Variants in PLAGL1 observed in about 807,000 individuals in gnomAD.
PLAGL1 encodes PLAG1 like zinc finger 1.
In PLAGL1, 1 loss-of-function variant was observed where a neutral mutation model predicts 4.6. That is an observed-to-expected ratio of 0.22 (90% CI 0.08 to 1.03). The LOEUF (loss-of-function observed/expected upper bound fraction) is 1.03, where lower values mean the gene tolerates loss of function less well. Ranked by LOEUF, PLAGL1 falls within the 50% of genes least tolerant of loss-of-function variation. PLAGL1 has a pLI of 0.58. For missense variants in PLAGL1, 464 were observed against 570.4 expected (o/e 0.81, Z 1.90); for synonymous variants, 240 against 237.8 (o/e 1.01, Z -0.08).
At position 143,995,482 on chromosome 6, in the gene PLAGL1, C is replaced by T. The variant is rs1297641525; in HGVS notation, c.-583-10308G>A. ...ATGATTCTAAACTACATAATTTAAACAGATTTCTATACTTTGTATTTAGGT... is the reference window on the plus strand; with the variant it reads ...ATGATTCTAAACTACATAATTTAAATAGATTTCTATACTTTGTATTTAGGT... On this transcript the variant is annotated intron_variant, in intron 1 of 7. Transcript: ENST00000674357. This position sits in a 1 kb window ranked among gnomAD's most constrained non-coding sequence, Gnocchi z 4.4. 1.3e-5 allele frequency among the ~76,000 whole-genome samples: 2 copies of T among 152,066 alleles called. No homozygotes were observed. Among genetic ancestry groups the T allele is most frequent in the Non-Finnish European group, 2.9e-5 (2 of 67,994 alleles).
chr6:143,967,709 T>C (rs1468594008), intron 3 of PLAGL1: 1 of 152,182 alleles, frequency 6.6e-6, no homozygotes, highest in East Asian at 1.9e-4. Context: ...CTACATTTTT[T>C]TCCTTCTGAA....
At position 144,039,889 on chromosome 6, in the gene PLAGL1, T is replaced by C. The variant is rs77096965; in HGVS notation, c.-151+24579A>G. ...TCTATCAACAAGAAAATTAATACAT[T>C]GTGGCACATAATGGCATCCTTATGC... On this transcript the variant is annotated intron_variant, in intron 1 of 3. Transcript: ENST00000437412. The surrounding 1 kb of genome is among the most constrained non-coding windows in gnomAD (Gnocchi z 4.1). 0.042 allele frequency among the ~76,000 whole-genome samples: 6,352 copies of C among 152,244 alleles called. 352 individuals are homozygous for C. Among genetic ancestry groups the C allele is most frequent in the East Asian group, 0.15 (767 of 5,184 alleles).
intron 1 of PLAGL1, among the ~76,000 whole-genome samples, chr6:144,052,388 G>A (rs916342899): frequency 6.6e-6 from 1 of 152,206 alleles, no homozygotes; most frequent in African/African-American, 2.4e-5. Flanking sequence ...ATAGAGCACT[G>A]AATTTAAAAT....
chr6:143,940,363 TAAGAC>T lies in PLAGL1; in HGVS notation c.*1056_*1060del, dbSNP rs1778330477. The T allele has an allele frequency of 6.6e-6, 1 of 152,178 alleles. No individual in the cohort carries two copies. Among genetic ancestry groups the T allele is most frequent in the African/African-American group, 2.4e-5 (1 of 41,446 alleles). The allele number at this position is 152,178 out of a possible 1,614,324, so 9.4% of individuals were successfully genotyped here. A position where few individuals can be genotyped will look rare whatever the true frequency, so the allele number is the denominator to read the frequency against. On this transcript the variant is annotated 3_prime_UTR_variant, in exon 8 of 8. Transcript: ENST00000674357. ...GTTTACGGAAAAGCCTCTAAAAACATAAGACAATGGAGCTTTAAAAAAGGTTAGGT... is the reference window on the plus strand; with the variant it reads ...GTTTACGGAAAAGCCTCTAAAAACATAATGGAGCTTTAAAAAAGGTTAGGT...
chr6:144,001,794 T>C (rs1439180787), intron 1 of PLAGL1, among the ~76,000 whole-genome samples: 4 of 152,182 alleles, frequency 2.6e-5, no homozygotes, highest in Non-Finnish European at 5.9e-5. Context: ...GCGATATTCT[T>C]CTCTCAAAAT....
rs901593069 is a variant in PLAGL1 at position 143,960,316 on chromosome 6, G to A, written c.-325+153C>T. Among the ~76,000 whole-genome samples the A allele has an allele frequency of 7.2e-5, 11 of 152,184 alleles. No homozygotes were observed. The highest frequency in any genetic ancestry group is 1.3e-4 in the Admixed American group (2 of 15,278). The stretch of plus-strand genomic sequence containing the variant: ...AAAGGGCTAAAAGAACCCTGTTCTC[G>A]GGTATTCTGCAGTTTGTGGAGGAAA... On this transcript the variant is annotated intron_variant, in intron 6 of 7. Transcript: ENST00000674357. The surrounding 1 kb of genome is among the most constrained non-coding windows in gnomAD (Gnocchi z 5.7).
In PLAGL1 at chr6:143,972,571, C is replaced by T. The variant is rs1785635203; in HGVS notation, c.-543-3593G>A. On this transcript the variant is annotated intron_variant, in intron 2 of 7. Transcript: ENST00000674357. This position sits in a 1 kb window ranked among gnomAD's most constrained non-coding sequence, Gnocchi z 6.8. ...ACACACACTTCCAGTTACAATATCC[C>T]AAGAATATAAATATTTTAAAATAAA... Among the ~76,000 whole-genome samples, 1 of 151,988 alleles carries T rather than the reference C, an allele frequency of 6.6e-6. No homozygotes were observed. The highest frequency in any genetic ancestry group is 2.4e-5 in the African/African-American group (1 of 41,372).
chr6:143,996,454 T>C (rs1032651850), intron 1 of PLAGL1, among the ~76,000 whole-genome samples: 6 of 152,198 alleles, frequency 3.9e-5, no homozygotes, highest in African/African-American at 1.4e-4. Flanking sequence ...TAATATAATC[T>C]CTGAATTTTA....
intron 1 of PLAGL1, among the ~76,000 whole-genome samples, chr6:144,026,521 C>T (rs1796353633): frequency 6.6e-6 from 1 of 152,158 alleles, no homozygotes; most frequent in Non-Finnish European, 1.5e-5. Context: ...ATAGTCATCC[C>T]TGGCTATGAA....
rs1562525458 is a variant in PLAGL1 at position 143,995,663 on chromosome 6, T to C, written c.-583-10489A>G. ...AATTCAAACACTATTATGATATATA[T>C]GCTTATATAAAATGTTTCAAATCTG... On this transcript the variant is annotated intron_variant, in intron 1 of 7. Transcript: ENST00000674357. This position sits in a 1 kb window ranked among gnomAD's most constrained non-coding sequence, Gnocchi z 4.4. 6.6e-6 allele frequency among the ~76,000 whole-genome samples: 1 copy of C among 152,176 alleles called. No individual in the cohort carries two copies. The highest frequency in any genetic ancestry group is 1.5e-5 in the Non-Finnish European group (1 of 68,026).
chr6:144,010,931 G>A (rs112085420), upstream of PLAGL1, among the ~76,000 whole-genome samples: 36,567 of 151,970 alleles, frequency 0.24, 4,597 homozygotes, highest in Admixed American at 0.35. The surrounding 1 kb of genome is among the most constrained non-coding windows in gnomAD (Gnocchi z 4.1). Context: ...GGACCGCTTC[G>A]TTACACCTTA....
intron 7 of PLAGL1, among the ~76,000 whole-genome samples, chr6:143,944,181 G>A (rs879838568): frequency 1.8e-4 from 27 of 152,090 alleles, no homozygotes; most frequent in Non-Finnish European, 3.5e-4. Flanking sequence ...AACTCATTCC[G>A]TAAAAGAGAT....
At chr6:143,951,332 T>C (rs1053448655) in intron 6 of PLAGL1, among the ~76,000 whole-genome samples, 1 of 152,222 alleles carries the variant, frequency 6.6e-6, no homozygotes, top group Non-Finnish European at 1.5e-5. Context: ...TAGCTATGGA[T>C]GTAATGGGAA....
intron 1 of PLAGL1, among the ~76,000 whole-genome samples, chr6:144,019,433 C>T (rs1795813378): frequency 6.6e-6 from 1 of 152,048 alleles, no homozygotes; most frequent in Non-Finnish European, 1.5e-5. Context: ...TATGGCGCCA[C>T]TGCACTCCAG....
Position 143,975,719 on chromosome 6 carries a change from T to C in PLAGL1, c.-543-6741A>G, listed in dbSNP as rs1355196531. On this transcript the variant is annotated intron_variant, in intron 2 of 7. Coordinates refer to ENST00000674357, the MANE Select transcript of PLAGL1 (RefSeq NM_001317162.2). This position sits in a 1 kb window ranked among gnomAD's most constrained non-coding sequence, Gnocchi z 5.8. ...CTATTATAAAAGAGAAAGAAGCTAC[T>C]TTACAAAACAGAAACACTAATTGAA... Among the ~76,000 whole-genome samples the C allele has an allele frequency of 6.6e-6, 1 of 152,234 alleles. No individual in the cohort carries two copies. Among genetic ancestry groups the C allele is most frequent in the Non-Finnish European group, 1.5e-5 (1 of 68,038 alleles).
rs560670768 is a variant in PLAGL1 at position 144,025,125 on chromosome 6, G to A, written c.-151+39343C>T. On this transcript the variant is annotated intron_variant, in intron 1 of 3. Coordinates refer to the PLAGL1 transcript ENST00000437412. ...GGTGATCAAGGTCAACGTCAACAGCGACAAGTCATAGTCACAGCTGTACCC... is the reference window on the plus strand; with the variant it reads ...GGTGATCAAGGTCAACGTCAACAGCAACAAGTCATAGTCACAGCTGTACCC... Among the ~76,000 whole-genome samples, 180 of 152,216 alleles carry A rather than the reference G, an allele frequency of 1.2e-3. 1 individual carries two copies. The highest frequency in any genetic ancestry group is 3.9e-3 in the African/African-American group (164 of 41,524).
Position 143,956,003 on chromosome 6 carries a change from T to C in PLAGL1, c.-325+4466A>G, listed in dbSNP as rs1344268451. 4.6e-5 allele frequency among the ~76,000 whole-genome samples: 7 copies of C among 152,232 alleles called. No individual in the cohort carries two copies. The East Asian group carries it at 1.3e-3, about 29-fold the overall frequency. Reference sequence around the variant, plus strand: ...GAGTTCATTTTTAGACATGCTGGGCTTAATGGTGCCTAATGGGCATTCGGG... The same window carrying C: ...GAGTTCATTTTTAGACATGCTGGGCCTAATGGTGCCTAATGGGCATTCGGG... On this transcript the variant is annotated intron_variant, in intron 6 of 7. Coordinates refer to ENST00000674357, the MANE Select transcript of PLAGL1 (RefSeq NM_001317162.2).
Position 143,949,730 on chromosome 6 carries a change from T to C in PLAGL1, c.-324-1270A>G, listed in dbSNP as rs1156635632. Among the ~76,000 whole-genome samples the C allele has an allele frequency of 6.6e-6, 1 of 152,226 alleles. No individual in the cohort carries two copies. The highest frequency in any genetic ancestry group is 2.4e-5 in the African/African-American group (1 of 41,466). On this transcript the variant is annotated intron_variant, in intron 6 of 7. Transcript: ENST00000674357. This position sits in a 1 kb window ranked among gnomAD's most constrained non-coding sequence, Gnocchi z 5.3. ...CCACAGGCCAGCATTTGCTGAACTT[T>C]GCCAGTAAGCAGGGCACTTCATGGT...
At chr6:144,051,355 C>T (rs1194612295) in intron 1 of PLAGL1, among the ~76,000 whole-genome samples, 1 of 152,216 alleles carries the variant, frequency 6.6e-6, no homozygotes, top group Non-Finnish European at 1.5e-5. Context: ...CTAGCACTTT[C>T]CTCACACTAA....
Sources: allele counts gnomAD v4.1 joint callset (sites outside exome capture counted in the v4.1 genomes callset), GRCh38; gene constraint gnomAD v4.1.1; non-coding constraint Gnocchi (gnomAD v3.1); transcripts MANE v1.5; gene names NCBI Gene and HGNC (gene_info 2026-07-23, HGNC 2026-07-21).